The following DYSF variants were observed in gnomAD, a reference collection of about 807,000 sequenced individuals.
DYSF encodes dysferlin.
DYSF carries 212 observed loss-of-function variants against 274.9 expected under a neutral mutation model. The ratio of observed to expected loss-of-function variants is 0.77; its 90% CI spans 0.69 to 0.86. The LOEUF (loss-of-function observed/expected upper bound fraction) is 0.86. Among genes scored for constraint, DYSF ranks in the 40% least tolerant of loss-of-function variants. The pLI, the probability that DYSF is intolerant of heterozygous loss-of-function variation, is 0.00. For synonymous variants in DYSF, 1,091 were observed against 1,078.7 expected, an observed-to-expected ratio of 1.01 and a Z score of -0.22; for missense variants, 2,666 against 2,783.2, an observed-to-expected ratio of 0.96 and a Z score of 0.95.
chr2:71,664,494 C>A lies in DYSF; in HGVS notation c.5174+56C>A, dbSNP rs188032035. The A allele has an allele frequency of 4.4e-6, 7 of 1,601,618 alleles. No individual in the cohort carries two copies. In the Admixed American group the frequency reaches 5.1e-5, roughly 12 times the overall value. On this transcript the variant is annotated intron_variant, in intron 46 of 55. Transcript: ENST00000410020. The stretch of plus-strand genomic sequence containing the variant: ...TCTGACAACACACCACCCCTGTCTT[C>A]TCTGACAACACACCACCACTGAGCA...
intron 51 of DYSF, 61 bp from the exon 52 acceptor site, chr2:71,674,136 G>A: frequency 6.6e-7 from 1 of 1,516,154 alleles, no homozygotes; most frequent in Non-Finnish European, 9.1e-7. Flanking sequence ...GGCTGGAAGG[G>A]AACACTGCCT....
At chr2:71,589,941 C>T (rs2093206509) in intron 31 of DYSF, among the ~76,000 whole-genome samples, 1 of 152,154 alleles carries the variant, frequency 6.6e-6, no homozygotes, top group Non-Finnish European at 1.5e-5. Flanking sequence ...CTGTGGCTGT[C>T]CCATTGTCTA....
At chr2:71,492,473 A>G (rs1258322317) in intron 3 of DYSF, among the ~76,000 whole-genome samples, 1 of 152,188 alleles carries the variant, frequency 6.6e-6, no homozygotes, top group Non-Finnish European at 1.5e-5. Flanking sequence ...TACTCGCAAT[A>G]CATATATAGT....
intron 30 of DYSF, among the ~76,000 whole-genome samples, chr2:71,584,509 G>A (rs1261882162): frequency 2.0e-5 from 3 of 152,156 alleles, no homozygotes; most frequent in East Asian, 1.9e-4. Context: ...CATCAGACCC[G>A]ACTCTGAGCT....
exon 1 of DYSF, chr2:71,453,771 CG>C (rs2080934969): frequency 1.7e-6 from 1 of 586,082 alleles, no homozygotes. Flanking sequence ...GGCTGACAAG[CG>C]GGGTGAGCGC....
intron 36 of DYSF, among the ~76,000 whole-genome samples, chr2:71,604,455 G>A (rs2093611508): frequency 6.6e-6 from 1 of 152,188 alleles, no homozygotes; most frequent in South Asian, 2.1e-4. Context: ...CCTGTGAAGA[G>A]TGCTCAAGCC....
Position 71,686,724 on chromosome 2 carries a change from C to T in DYSF, c.*232C>T. 1.7e-6 allele frequency: 1 copy of T among 595,916 alleles called. No individual in the cohort carries two copies. Among genetic ancestry groups the T allele is most frequent in the Non-Finnish European group, 3.0e-6 (1 of 330,758 alleles). The allele number at this position is 595,916 out of a possible 1,614,324, so 36.9% of individuals were successfully genotyped here. A position where few individuals can be genotyped will look rare whatever the true frequency, so the allele number is the denominator to read the frequency against. ...CCCCCAACCCAACGCTTTTTTGGAT[C>T]AGCTCAGACATATTTCAGTATAAAA... On this transcript the variant is annotated 3_prime_UTR_variant, in exon 56 of 56. Coordinates refer to ENST00000410020, the MANE Select transcript of DYSF (RefSeq NM_001130987.2).
rs1217620482 is a variant in DYSF, at chr2:71,511,925, G to C, written c.460+4G>C. ...CCTGACCTGGATGTAGTGGCAGGTG[G>C]GTAGCCCACGTTGGCCTGGCTGGGC... On this transcript the variant is annotated splice_donor_region_variant and intron_variant, in intron 5 of 55. Coordinates refer to ENST00000410020, the MANE Select transcript of DYSF (RefSeq NM_001130987.2). 6 of 1,534,676 alleles carry C rather than the reference G, an allele frequency of 3.9e-6. No individual in the cohort carries two copies. The highest frequency in any genetic ancestry group is 5.3e-6 in the Non-Finnish European group (6 of 1,132,290).
At chr2:71,607,159 G>A (rs1008846683) in intron 36 of DYSF, among the ~76,000 whole-genome samples, 1 of 152,142 alleles carries the variant, frequency 6.6e-6, no homozygotes, top group Non-Finnish European at 1.5e-5. Flanking sequence ...TAAGCTTGGG[G>A]CACCAGGAAA....
Position 71,598,653 on chromosome 2 carries a change from ATCT to A in DYSF, c.3668_3670del (p.Phe1223del), listed in dbSNP as rs1173583014. On this transcript the variant is annotated inframe_deletion, in exon 33 of 56. Transcript: ENST00000410020. ...TAACCCCACCTGGGACCAGACGCTC[ATCT>A]TCTACGAGATCGAGATCTTTGGCGA... 1.2e-6 allele frequency: 2 copies of A among 1,614,028 alleles called. No individual in the cohort carries two copies. Among genetic ancestry groups the A allele is most frequent in the African/African-American group, 1.3e-5 (1 of 74,926 alleles).
chr2:71,457,426 G>C (rs1372326715), intron 1 of DYSF, among the ~76,000 whole-genome samples: 2 of 152,142 alleles, frequency 1.3e-5, no homozygotes, highest in Non-Finnish European at 1.5e-5. Context: ...AATATCCCCA[G>C]CTTTAACCAC....
chr2:71,551,166 C>G lies in DYSF; in HGVS notation c.1692+10C>G, dbSNP rs1366277121. ...GCTCAACACAGGCAAGGTAAGCCGG[C>G]TGGAGCCCTGGCAAGGGCAGGATGC... On this transcript the variant is annotated intron_variant, in intron 18 of 55. Transcript: ENST00000410020. 1 of 1,613,544 alleles carries G rather than the reference C, an allele frequency of 6.2e-7. No individual in the cohort carries two copies. Among genetic ancestry groups the G allele is most frequent in the Admixed American group, 1.7e-5 (1 of 60,022 alleles).
chr2:71,641,322 GCGCCCGCCACCA>G (rs1169457290), intron 41 of DYSF, among the ~76,000 whole-genome samples: 2 of 151,420 alleles, frequency 1.3e-5, no homozygotes, highest in Admixed American at 1.3e-4. Context: ...GGGACTACAG[GCGCCCGCCACCA>G]CGCCCGGCTA....
chr2:71,509,829 G>A (rs2085891576), intron 4 of DYSF, among the ~76,000 whole-genome samples: 1 of 152,062 alleles, frequency 6.6e-6, no homozygotes, highest in African/African-American at 2.4e-5. Flanking sequence ...CCAGGCTGGA[G>A]TGCAGTGGTG....
chr2:71,606,707 G>C (rs1161773169), intron 36 of DYSF, among the ~76,000 whole-genome samples: 2 of 152,198 alleles, frequency 1.3e-5, no homozygotes, highest in Non-Finnish European at 2.9e-5. Context: ...AAGAGAGTCA[G>C]AGTCAGGTTA....
At chr2:71,675,113 A>T (rs1025176130) in intron 52 of DYSF, among the ~76,000 whole-genome samples, 2 of 151,482 alleles carry the variant, frequency 1.3e-5, no homozygotes, top group Admixed American at 6.6e-5. Context: ...AAATCCATAG[A>T]GACGGAAAAT....
At chr2:71,653,588 C>T (rs2152934174) in intron 42 of DYSF, among the ~76,000 whole-genome samples, 1 of 144,524 alleles carries the variant, frequency 6.9e-6, no homozygotes, top group African/African-American at 2.6e-5. Flanking sequence ...CATGTTCTCA[C>T]TCATAGGTGG....
chr2:71,494,564 T>C (rs560861858), intron 3 of DYSF, among the ~76,000 whole-genome samples: 9 of 152,298 alleles, frequency 5.9e-5, no homozygotes, highest in African/African-American at 2.2e-4. Flanking sequence ...TCTCCAGCAC[T>C]CCTTCCACAT....
rs35900869 is a variant in DYSF, at chr2:71,593,125, CTTTTTT to C, written c.3574+2856_3574+2861del. ...AAAGTGATACTTAATTCAGTGACTT[CTTTTTT>C]TTTTTTTTTTTTTTTTTTGAGACAG... On this transcript the variant is annotated intron_variant, in intron 32 of 55. Coordinates refer to ENST00000410020, the MANE Select transcript of DYSF (RefSeq NM_001130987.2). Among the ~76,000 whole-genome samples, 367 of 85,586 alleles carry C rather than the reference CTTTTTT, an allele frequency of 4.3e-3. 1 individual carries two copies. Among genetic ancestry groups the C allele is most frequent in the Admixed American group, 7.2e-3 (52 of 7,256 alleles). 56.1% of individuals were successfully genotyped at this position (85,586 alleles called of 152,430 possible). A position where few individuals can be genotyped will look rare whatever the true frequency, so the allele number is the denominator to read the frequency against.
Sources: gnomAD v4.1 joint callset for allele counts (sites outside exome capture counted in the v4.1 genomes callset) on GRCh38, gnomAD v4.1.1 for gene constraint, MANE v1.5 for transcripts, NCBI Gene and HGNC (gene_info 2026-07-23, HGNC 2026-07-21) for gene names.